Variants in RUNX1 observed in about 807,000 individuals in gnomAD.
RUNX1 encodes the protein RUNX family transcription factor 1.
In RUNX1, 19 loss-of-function variants were observed where a neutral mutation model predicts 42.8. That is an observed-to-expected ratio of 0.44 (90% CI 0.31 to 0.65). The LOEUF (loss-of-function observed/expected upper bound fraction) is 0.65. Among genes scored for constraint, RUNX1 ranks in the 30% least tolerant of loss-of-function variants. The pLI is 0.07. For synonymous variants in RUNX1, 271 were observed against 289.4 expected (o/e 0.94, Z 0.64); for missense variants, 528 against 672.0 (o/e 0.79, Z 2.37).
At chr21:35,020,362 C>T (rs1035585481) in intron 2 of RUNX1, among the ~76,000 whole-genome samples, 6 of 152,112 alleles carry the variant, frequency 3.9e-5, no homozygotes, top group Non-Finnish European at 8.8e-5. Flanking sequence ...AAACACAGTG[C>T]TTCTGTGTTT....
At chr21:34,935,907 G>A (rs1219451230) in intron 2 of RUNX1, among the ~76,000 whole-genome samples, 1 of 152,100 alleles carries the variant, frequency 6.6e-6, no homozygotes, top group African/African-American at 2.4e-5. Flanking sequence ...AAACATAATA[G>A]ATACCTCCAA....
intron 2 of RUNX1, among the ~76,000 whole-genome samples, chr21:35,020,447 G>A (rs924361177): frequency 1.3e-5 from 2 of 152,124 alleles, no homozygotes; most frequent in Admixed American, 6.6e-5. Flanking sequence ...AGGCCTTTGG[G>A]GATGTTCCTA....
intron 6 of RUNX1, among the ~76,000 whole-genome samples, chr21:34,846,629 C>T (rs1447774170): frequency 6.6e-6 from 1 of 152,070 alleles, no homozygotes; most frequent in African/African-American, 2.4e-5. Context: ...ATAGACTCCA[C>T]GGGCAGGCCC....
At chr21:35,004,730 G>A (rs2059071276) in intron 2 of RUNX1, among the ~76,000 whole-genome samples, 1 of 152,142 alleles carries the variant, frequency 6.6e-6, no homozygotes, top group Non-Finnish European at 1.5e-5. Context: ...CATGTATTTG[G>A]GGAAACAGAG....
chr21:34,958,147 A>G (rs1403713479), intron 2 of RUNX1, among the ~76,000 whole-genome samples: 2 of 152,136 alleles, frequency 1.3e-5, no homozygotes, highest in Non-Finnish European at 2.9e-5. Context: ...CCAGGACAAA[A>G]CAGAGCAGAA....
intron 2 of RUNX1, among the ~76,000 whole-genome samples, chr21:34,964,186 T>C (rs910263934): frequency 6.6e-6 from 1 of 152,140 alleles, no homozygotes; most frequent in Admixed American, 6.5e-5. Flanking sequence ...CCATGGAAGC[T>C]GAACTCAAGA....
chr21:34,880,496 T>G, intron 5 of RUNX1, 61 bp downstream of exon 5: 1 of 1,551,340 alleles, frequency 6.4e-7, no homozygotes, highest in Non-Finnish European at 8.9e-7. Flanking sequence ...CACTAGAATT[T>G]TGAAATGTGG....
intron 2 of RUNX1, among the ~76,000 whole-genome samples, chr21:34,964,561 A>G (rs2058705143): frequency 6.6e-6 from 1 of 152,046 alleles, no homozygotes; most frequent in African/African-American, 2.4e-5. Context: ...GCATGAAAGG[A>G]CATTTTGGTA....
At chr21:34,849,285 T>A (rs1420221601) in intron 6 of RUNX1, among the ~76,000 whole-genome samples, 5 of 65,696 alleles carry the variant, frequency 7.6e-5, no homozygotes, top group African/African-American at 2.9e-4. Context: ...ATATAATATA[T>A]ATTATATATA....
intron 2 of RUNX1, among the ~76,000 whole-genome samples, chr21:34,970,508 CCTTTGCCCTCAAAA>C: frequency 6.6e-6 from 1 of 152,188 alleles, no homozygotes; most frequent in Admixed American, 6.5e-5. Flanking sequence ...TTAAGATTGG[CCTTTGCCCTCAAAA>C]GTCACCTTCA....
chr21:34,842,977 G>T lies in RUNX1; in HGVS notation c.614-8376C>A, dbSNP rs527906504. Among the ~76,000 whole-genome samples the T allele has an allele frequency of 2.0e-5, 3 of 152,288 alleles. No individual in the cohort carries two copies. In the South Asian group the frequency reaches 6.2e-4, roughly 32 times the overall value. On this transcript the variant is annotated intron_variant, in intron 6 of 8. Coordinates refer to ENST00000675419, the MANE Select transcript of RUNX1 (RefSeq NM_001754.5). The stretch of plus-strand genomic sequence containing the variant: ...CAGTTACAAGTAAGTGGCTGAGGCA[G>T]AAGAATTGCTAGAACCCAGGAGGCA...
intron 4 of RUNX1, among the ~76,000 whole-genome samples, chr21:34,886,054 G>T (rs1227017733): frequency 1.3e-5 from 2 of 152,200 alleles, no homozygotes; most frequent in Non-Finnish European, 2.9e-5. Context: ...TGGAGCCGCC[G>T]CGCTGAAGTC....
chr21:34,796,776 G>C (rs2056534122), intron 8 of RUNX1, among the ~76,000 whole-genome samples: 1 of 151,998 alleles, frequency 6.6e-6, no homozygotes, highest in South Asian at 2.1e-4. Flanking sequence ...TGTCGCCCAG[G>C]TTGGCAGCTA....
At chr21:34,912,745 C>T (rs1361027677) in intron 2 of RUNX1, among the ~76,000 whole-genome samples, 1 of 152,162 alleles carries the variant, frequency 6.6e-6, no homozygotes, top group Admixed American at 6.5e-5. Context: ...GGATCAGTCA[C>T]GTAATTGTTT....
intron 2 of RUNX1, among the ~76,000 whole-genome samples, chr21:34,913,096 G>T (rs1047734743): frequency 6.6e-6 from 1 of 152,184 alleles, no homozygotes; most frequent in African/African-American, 2.4e-5. Flanking sequence ...GCTGGGGGTG[G>T]TGGTGGGCAC....
chr21:34,983,011 T>A (rs2058859033), intron 2 of RUNX1, among the ~76,000 whole-genome samples: 1 of 152,256 alleles, frequency 6.6e-6, no homozygotes, highest in Non-Finnish European at 1.5e-5. Flanking sequence ...CCCAAGTGAA[T>A]CTTTAGGAAC....
At chr21:34,973,059 A>G (rs1384011376) in intron 2 of RUNX1, among the ~76,000 whole-genome samples, 4 of 152,118 alleles carry the variant, frequency 2.6e-5, no homozygotes, top group Admixed American at 1.3e-4. Flanking sequence ...TCCCAAACTA[A>G]TCACTTGAAT....
intron 2 of RUNX1, among the ~76,000 whole-genome samples, chr21:34,933,454 C>T (rs917146383): frequency 6.6e-6 from 1 of 152,164 alleles, no homozygotes; most frequent in Non-Finnish European, 1.5e-5. Flanking sequence ...AATCCAACAT[C>T]TGACATTTTA....
chr21:35,009,273 T>C (rs954910458), intron 2 of RUNX1, among the ~76,000 whole-genome samples: 1 of 152,218 alleles, frequency 6.6e-6, no homozygotes, highest in Non-Finnish European at 1.5e-5. Flanking sequence ...GGGGCCCAAA[T>C]TGGGATTGTG....
Sources: allele counts gnomAD v4.1 joint callset (sites outside exome capture counted in the v4.1 genomes callset), GRCh38; gene constraint gnomAD v4.1.1; transcripts MANE v1.5; gene names NCBI Gene and HGNC (gene_info 2026-07-23, HGNC 2026-07-21).